Variants in GRXCR1 observed in about 807,000 individuals in gnomAD.
The protein encoded by GRXCR1 is glutaredoxin and cysteine rich domain containing 1, also known as glutaredoxin domain-containing cysteine-rich protein 1.
Under a neutral mutation model 27.3 loss-of-function variants are expected in GRXCR1, and 27 were observed. The ratio of observed to expected loss-of-function variants is 0.99; its 90% CI spans 0.73 to 1.37. The LOEUF (loss-of-function observed/expected upper bound fraction) is 1.37. Ranked by LOEUF, GRXCR1 falls within the 40% of genes most tolerant of loss-of-function variation. The probability of loss-of-function intolerance (pLI) is 0.00; values close to 1 mark genes in which losing one functional copy is unlikely to be tolerated. For missense variants in GRXCR1, 379 were observed against 354.4 expected (o/e 1.07, Z -0.56); for synonymous variants, 122 against 131.1 (o/e 0.93, Z 0.47).
At chr4:42,928,793 A>C (rs1359936588) in intron 1 of GRXCR1, among the ~76,000 whole-genome samples, 1 of 151,910 alleles carries the variant, frequency 6.6e-6, no homozygotes, top group Non-Finnish European at 1.5e-5. Context: ...GGTGGTCCCT[A>C]GTTGTCTGAT....
At chr4:42,973,932 A>C (rs1041154901) in intron 2 of GRXCR1, among the ~76,000 whole-genome samples, 1 of 152,204 alleles carries the variant, frequency 6.6e-6, no homozygotes, top group Non-Finnish European at 1.5e-5. Flanking sequence ...AGGCTAGAGC[A>C]TGTTCTAGGG....
At chr4:42,971,688 C>T (rs1166214545) in intron 2 of GRXCR1, among the ~76,000 whole-genome samples, 7 of 152,008 alleles carry the variant, frequency 4.6e-5, no homozygotes, top group Admixed American at 1.3e-4. Flanking sequence ...CACCAGGTCC[C>T]TCCCATGACC....
intron 2 of GRXCR1, among the ~76,000 whole-genome samples, chr4:42,979,445 T>C (rs1748599963): frequency 6.6e-6 from 1 of 152,096 alleles, no homozygotes. Flanking sequence ...TGATAATATA[T>C]TGTTTTCTTT....
chr4:42,994,720 A>G (rs1481973917), intron 2 of GRXCR1, among the ~76,000 whole-genome samples: 1 of 152,164 alleles, frequency 6.6e-6, no homozygotes, highest in Non-Finnish European at 1.5e-5. Context: ...GAGTGAAGGA[A>G]GACTTTCCTG....
intron 3 of GRXCR1, among the ~76,000 whole-genome samples, chr4:43,024,406 G>A (rs964026015): frequency 4.6e-5 from 7 of 152,060 alleles, no homozygotes; most frequent in African/African-American, 1.7e-4. Flanking sequence ...AGCTCTGTAT[G>A]ATGGTCCTTC....
At chr4:43,009,661 C>A (rs1391467158) in intron 2 of GRXCR1, among the ~76,000 whole-genome samples, 1 of 152,094 alleles carries the variant, frequency 6.6e-6, no homozygotes, top group South Asian at 2.1e-4. Flanking sequence ...TGTGTCATCA[C>A]ATGGTAGAAG....
intron 2 of GRXCR1, among the ~76,000 whole-genome samples, chr4:42,973,588 T>C (rs181703515): frequency 6.6e-6 from 1 of 152,154 alleles, no homozygotes; most frequent in Non-Finnish European, 1.5e-5. Flanking sequence ...TACTCAGTTT[T>C]CTTTGACTCC....
chr4:42,938,269 G>T (rs930097693), intron 1 of GRXCR1, among the ~76,000 whole-genome samples: 1 of 151,802 alleles, frequency 6.6e-6, no homozygotes, highest in Non-Finnish European at 1.5e-5. Context: ...CTTTTTTATG[G>T]CTGATTAGTG....
At chr4:42,910,242 T>G (rs62297762) in intron 1 of GRXCR1, among the ~76,000 whole-genome samples, 9,793 of 152,096 alleles carry the variant, frequency 0.064, 430 homozygotes, top group Non-Finnish European at 0.092. Context: ...CCTCAACAAC[T>G]GGGGAATACA....
chr4:43,009,927 CA>C (rs1447508292), intron 2 of GRXCR1, among the ~76,000 whole-genome samples: 1 of 152,056 alleles, frequency 6.6e-6, no homozygotes. Flanking sequence ...GCTAGTGATT[CA>C]AACAAGTTAT....
At chr4:42,918,977 A>C (rs1354996956) in intron 1 of GRXCR1, among the ~76,000 whole-genome samples, 1 of 152,180 alleles carries the variant, frequency 6.6e-6, no homozygotes, top group East Asian at 1.9e-4. Context: ...TTACAAAAAT[A>C]ATAGAAGGCA....
chr4:43,022,164 C>T (rs1370327633), intron 3 of GRXCR1, among the ~76,000 whole-genome samples: 2 of 152,176 alleles, frequency 1.3e-5, no homozygotes, highest in Non-Finnish European at 2.9e-5. Context: ...TCTGTACACA[C>T]TTTAAACTAA....
Position 42,912,275 on chromosome 4 carries a change from A to G in GRXCR1, c.384+18625A>G, listed in dbSNP as rs575244777. Among the ~76,000 whole-genome samples, 38 of 152,332 alleles carry G rather than the reference A, an allele frequency of 2.5e-4. No individual in the cohort carries two copies. The South Asian group carries it at 4.6e-3, about 18-fold the overall frequency. Reference sequence around the variant, plus strand: ...TTGTAGGTTAGGAAGAAACCACTGCATGTTTATTTAAAATCGTATTTGTTT... The same window carrying G: ...TTGTAGGTTAGGAAGAAACCACTGCGTGTTTATTTAAAATCGTATTTGTTT... On this transcript the variant is annotated intron_variant, in intron 1 of 3. Coordinates refer to ENST00000399770, the MANE Select transcript of GRXCR1 (RefSeq NM_001080476.3).
At position 42,955,056 on chromosome 4, in the gene GRXCR1, C is replaced by T. The variant is rs868083618; in HGVS notation, c.385-7836C>T. The stretch of plus-strand genomic sequence containing the variant: ...GTAAAATTTCTTGCCCTTTACTAGG[C>T]CCACAGCCCTGCTTCCAGCCGCATG... On this transcript the variant is annotated intron_variant, in intron 1 of 3. Coordinates refer to ENST00000399770, the MANE Select transcript of GRXCR1 (RefSeq NM_001080476.3). Among the ~76,000 whole-genome samples, 70 of 152,144 alleles carry T rather than the reference C, an allele frequency of 4.6e-4. No homozygotes were observed. In the Middle Eastern group the frequency reaches 0.017, roughly 37 times the overall value.
intron 1 of GRXCR1, among the ~76,000 whole-genome samples, chr4:42,903,854 A>T (rs1746524222): frequency 6.6e-6 from 1 of 152,000 alleles, no homozygotes; most frequent in African/African-American, 2.4e-5. Context: ...AGCTTATGAG[A>T]ACTGAAACAG....
chr4:42,989,803 A>T (rs1248804421), intron 2 of GRXCR1, among the ~76,000 whole-genome samples: 1 of 152,158 alleles, frequency 6.6e-6, no homozygotes, highest in Non-Finnish European at 1.5e-5. Flanking sequence ...GAAAAGTTCC[A>T]CCAATACCTA....
chr4:43,001,197 C>A (rs538888053), intron 2 of GRXCR1, among the ~76,000 whole-genome samples: 1 of 151,882 alleles, frequency 6.6e-6, no homozygotes, highest in African/African-American at 2.4e-5. Context: ...TTTTTCCCCC[C>A]GGTGTACAAT....
At chr4:43,025,848 C>T (rs1055095058) in intron 3 of GRXCR1, among the ~76,000 whole-genome samples, 21 of 151,956 alleles carry the variant, frequency 1.4e-4, no homozygotes, top group African/African-American at 4.6e-4. Context: ...GGGTGGTGGG[C>T]GCCTGTAGTC....
chr4:42,902,475 G>A (rs1483783614), intron 1 of GRXCR1, among the ~76,000 whole-genome samples: 1 of 152,120 alleles, frequency 6.6e-6, no homozygotes, highest in Non-Finnish European at 1.5e-5. Context: ...TATTTCGATG[G>A]CTGCATAGTA....
Sources: allele counts gnomAD v4.1 joint callset (sites outside exome capture counted in the v4.1 genomes callset), GRCh38; gene constraint gnomAD v4.1.1; transcripts MANE v1.5; gene names NCBI Gene and HGNC (gene_info 2026-07-23, HGNC 2026-07-21).